The following FRMD8 variants were observed in gnomAD, a reference collection of about 807,000 sequenced individuals.
The protein encoded by FRMD8 is FERM domain containing 8, also known as FERM domain-containing protein 8.
A neutral mutation model predicts 54.2 loss-of-function variants in FRMD8; 37 were observed. The ratio of observed to expected loss-of-function variants is 0.68; its 90% CI spans 0.53 to 0.90. FRMD8 has a LOEUF of 0.90. Ranked by LOEUF, FRMD8 falls within the 40% of genes least tolerant of loss-of-function variation. FRMD8 has a pLI of 0.00. For missense variants in FRMD8, 585 were observed against 653.7 expected, an observed-to-expected ratio of 0.89 and a Z score of 1.15; for synonymous variants, 246 against 286.9, an observed-to-expected ratio of 0.86 and a Z score of 1.44.
chr11:65,385,287 C>A (rs1406658580), upstream of FRMD8, among the ~76,000 whole-genome samples: 1 of 152,226 alleles, frequency 6.6e-6, no homozygotes, highest in Non-Finnish European at 1.5e-5. Context: ...CAGCCCACAT[C>A]TGAGCTTCCT....
chr11:65,396,944 G>A lies in FRMD8; in HGVS notation c.727G>A (p.Asp243Asn), dbSNP rs199812480. 299 of 1,531,168 alleles carry A rather than the reference G, an allele frequency of 2.0e-4. No homozygotes were observed. In the African/African-American group the frequency reaches 3.5e-3, roughly 18 times the overall value. 94.8% of individuals were successfully genotyped at this position (1,531,168 alleles called of 1,614,324 possible). Reference protein sequence around the residue: ...AYRQVQEVSSDGGCEAALGTH... With the variant: ...AYRQVQEVSSNGGCEAALGTH... Reference sequence around the variant, plus strand: ...CCGCCAGGTGCAGGAGGTCAGCAGCGACGGCGGGTGCGAGGCCGCCCTGGG... The same window carrying A: ...CCGCCAGGTGCAGGAGGTCAGCAGCAACGGCGGGTGCGAGGCCGCCCTGGG... The change falls in exon 7 of 11, where the codon GAC becomes AAC. Residue 243 changes from aspartate to asparagine, a missense_variant. By Grantham distance (23) the Asp-to-Asn change is conservative. Coordinates refer to ENST00000317568, the MANE Select transcript of FRMD8 (RefSeq NM_031904.5).
upstream of FRMD8, among the ~76,000 whole-genome samples, chr11:65,384,297 C>T (rs888692409): frequency 2.6e-5 from 4 of 152,096 alleles, no homozygotes; most frequent in Non-Finnish European, 5.9e-5. Context: ...TCTCACACAG[C>T]GGGGGTCTTT....
In FRMD8 at chr11:65,404,015, C is replaced by G. The variant is rs1590658561; in HGVS notation, c.1072-849C>G. 6.6e-6 allele frequency among the ~76,000 whole-genome samples: 1 copy of G among 152,288 alleles called. No individual in the cohort carries two copies. The highest frequency in any genetic ancestry group is 1.9e-4 in the East Asian group (1 of 5,184). ...AGCTGAGGGCAGGGAGCGTGGAGAG[C>G]CCACCAGGCCTCTGCTCTTCCTTCT... On this transcript the variant is annotated intron_variant, in intron 9 of 10. Coordinates refer to ENST00000317568, the MANE Select transcript of FRMD8 (RefSeq NM_031904.5). The surrounding 1 kb of genome is among the most constrained non-coding windows in gnomAD (Gnocchi z 4.7).
upstream of FRMD8, chr11:65,382,613 G>C (rs886345000): frequency 6.5e-6 from 1 of 153,850 alleles, no homozygotes; most frequent in African/African-American, 2.4e-5. The surrounding 1 kb of genome is among the most constrained non-coding windows in gnomAD (Gnocchi z 4.4). Flanking sequence ...TTTAAAGTGC[G>C]TGTTGATCTG....
the FRMD8 span, among the ~76,000 whole-genome samples, chr11:65,371,355 A>C: frequency 6.6e-6 from 1 of 152,152 alleles, no homozygotes; most frequent in Non-Finnish European, 1.5e-5. Flanking sequence ...TTGCTAAAAA[A>C]AGAAGTATGA....
intron 6 of FRMD8, among the ~76,000 whole-genome samples, chr11:65,396,248 G>T (rs1261304628): frequency 2.0e-5 from 3 of 152,244 alleles, no homozygotes; most frequent in African/African-American, 7.2e-5. Flanking sequence ...GCAGTGCAGA[G>T]GCTGCCGGCT....
intron 3 of FRMD8, among the ~76,000 whole-genome samples, chr11:65,390,614 C>T (rs1855825252): frequency 6.6e-6 from 1 of 151,962 alleles, no homozygotes; most frequent in South Asian, 2.1e-4. Context: ...GAGGTGCCCG[C>T]CCACCCTCTT....
chr11:65,395,098 G>A (rs1409858999), intron 6 of FRMD8, among the ~76,000 whole-genome samples: 5 of 152,034 alleles, frequency 3.3e-5, no homozygotes, highest in Non-Finnish European at 5.9e-5. Context: ...AACACAATAA[G>A]TAGCCAGGTG....
intron 2 of FRMD8, 119 bp downstream of exon 2, chr11:65,387,240 A>C (rs1309128936): frequency 1.1e-6 from 1 of 886,202 alleles, no homozygotes; most frequent in Non-Finnish European, 1.8e-6. Context: ...AGAAATAATA[A>C]GGTACATTCA....
intron 3 of FRMD8, among the ~76,000 whole-genome samples, chr11:65,393,030 G>T (rs1385627563): frequency 2.0e-5 from 3 of 152,208 alleles, no homozygotes; most frequent in African/African-American, 7.2e-5. Flanking sequence ...GAGATAAGGT[G>T]GGAGGGCCAG....
chr11:65,396,989 C>T lies in FRMD8; in HGVS notation c.772C>T (p.Leu258Phe). 1 of 1,480,506 alleles carries T rather than the reference C, an allele frequency of 6.8e-7. No individual in the cohort carries two copies. Among genetic ancestry groups the T allele is most frequent in the Non-Finnish European group, 9.0e-7 (1 of 1,110,782 alleles). The allele number at this position is 1,480,506 out of a possible 1,614,324, so 91.7% of individuals were successfully genotyped here. A position where few individuals can be genotyped will look rare whatever the true frequency, so the allele number is the denominator to read the frequency against. Residue 258 changes from leucine to phenylalanine, a missense_variant, in exon 7 of 11, where the codon CTC (leucine) becomes TTC (phenylalanine). Physicochemically the swap from Leu to Phe is conservative, Grantham distance 22. Transcript: ENST00000317568. ...CCTGGGCACCCACTACCGCGCCTAT[C>T]TCCTCAAGTGCCACGAGCTGCCGTT... ...AALGTHYRAY[L>F]LKCHELPFYG...
intron 10 of FRMD8, among the ~76,000 whole-genome samples, chr11:65,409,251 C>G (rs147754350): frequency 5.3e-5 from 8 of 151,984 alleles, no homozygotes; most frequent in Non-Finnish European, 1.2e-4. Context: ...CATGCCCGAT[C>G]AATTTTTGTA....
intron 9 of FRMD8, among the ~76,000 whole-genome samples, chr11:65,401,451 C>G (rs541523918): frequency 2.0e-5 from 3 of 147,712 alleles, no homozygotes; most frequent in African/African-American, 7.5e-5. Context: ...CCCACAGGGC[C>G]CTTTCAGGAC....
the FRMD8 span, among the ~76,000 whole-genome samples, chr11:65,368,300 T>C: frequency 6.2e-4 from 94 of 152,066 alleles, 1 homozygote; most frequent in Non-Finnish European, 5.9e-5. Flanking sequence ...GGTCTCAAAC[T>C]CCTGACCTCA....
intron 7 of FRMD8, among the ~76,000 whole-genome samples, chr11:65,397,996 C>T (rs1335055499): frequency 6.6e-6 from 1 of 151,836 alleles, no homozygotes; most frequent in Non-Finnish European, 1.5e-5. Flanking sequence ...CTGCCTCAGC[C>T]TCCCAAGTAG....
At position 65,389,455 on chromosome 11, in the gene FRMD8, T is replaced by C; in HGVS notation, c.180T>C (p.Ala60=). Residue 60 remains alanine, a synonymous_variant, in exon 3 of 11, where the codon GCT becomes GCC. Coordinates refer to ENST00000317568, the MANE Select transcript of FRMD8 (RefSeq NM_031904.5). The stretch of plus-strand genomic sequence containing the variant: ...TCAGTGCCCATGAGCTGCACCGCGC[T>C]GTCCGCGAGGTCCTGCAGCTTCCAG... The part of the protein sequence containing the change: ...PSLSAHELHR[A]VREVLQLPDI... 1 of 1,609,696 alleles carries C rather than the reference T, an allele frequency of 6.2e-7. No homozygotes were observed. Among genetic ancestry groups the C allele is most frequent in the Non-Finnish European group, 8.5e-7 (1 of 1,179,936 alleles).
chr11:65,378,786 T>C, the FRMD8 span: 21,162 of 153,406 alleles, frequency 0.14, 2,817 homozygotes, highest in African/African-American at 0.35. Context: ...TCAGCACCGG[T>C]TCCCACTGGC....
chr11:65,391,815 T>C (rs553941862), intron 3 of FRMD8, among the ~76,000 whole-genome samples: 13 of 152,186 alleles, frequency 8.5e-5, no homozygotes, highest in East Asian at 7.7e-4. Context: ...CCGGCCACCA[T>C]TGGAATTTTA....
At chr11:65,394,168 C>G in intron 5 of FRMD8, 69 bp downstream of exon 5, 1 of 1,603,290 alleles carries the variant, frequency 6.2e-7, no homozygotes, top group Non-Finnish European at 8.5e-7. Flanking sequence ...TCCCTAGACC[C>G]CTGGACATTC....
Sources: allele counts gnomAD v4.1 joint callset (sites outside exome capture counted in the v4.1 genomes callset), GRCh38; gene constraint gnomAD v4.1.1; non-coding constraint Gnocchi (gnomAD v3.1); transcripts MANE v1.5; gene names NCBI Gene and HGNC (gene_info 2026-07-23, HGNC 2026-07-21).